The following ZDHHC14 variants were observed in gnomAD, a reference collection of about 807,000 sequenced individuals.
ZDHHC14 encodes zDHHC palmitoyltransferase 14, also known as palmitoyltransferase ZDHHC14.
ZDHHC14 carries 16 observed loss-of-function variants against 47.7 expected under a neutral mutation model. The observed-to-expected ratio is 0.34, with a 90% CI of 0.23 to 0.51. The LOEUF is 0.51. ZDHHC14 is among the 20% of genes least tolerant of loss of function. The probability of loss-of-function intolerance (pLI) is 0.97; values close to 1 mark genes in which losing one functional copy is unlikely to be tolerated. For missense variants in ZDHHC14, 515 were observed against 662.5 expected (o/e 0.78, Z 2.44); for synonymous variants, 293 against 278.9 (o/e 1.05, Z -0.50).
intron 1 of ZDHHC14, among the ~76,000 whole-genome samples, chr6:157,535,425 G>A (rs1781513302): frequency 6.6e-6 from 1 of 152,230 alleles, no homozygotes; most frequent in South Asian, 2.1e-4. Context: ...GACAAAGGTA[G>A]ACAGAGAGAC....
At chr6:157,397,584 G>A (rs141906643) in intron 1 of ZDHHC14, among the ~76,000 whole-genome samples, 27 of 152,276 alleles carry the variant, frequency 1.8e-4, no homozygotes, top group African/African-American at 6.3e-4. Context: ...GGGATTCCCT[G>A]GGCCCACCTG....
At chr6:157,672,478 T>G (rs7757543) in intron 8 of ZDHHC14, among the ~76,000 whole-genome samples, 1 of 152,260 alleles carries the variant, frequency 6.6e-6, no homozygotes, top group East Asian at 1.9e-4. Flanking sequence ...TGGCTGCATG[T>G]TATGACTGGG....
intron 1 of ZDHHC14, among the ~76,000 whole-genome samples, chr6:157,524,279 G>A (rs529085879): frequency 1.1e-4 from 17 of 152,186 alleles, no homozygotes; most frequent in African/African-American, 2.6e-4. Context: ...GACTACAAGC[G>A]TGTGCCACCA....
At chr6:157,561,132 G>A (rs1035451733) in intron 2 of ZDHHC14, among the ~76,000 whole-genome samples, 3 of 152,202 alleles carry the variant, frequency 2.0e-5, no homozygotes, top group Non-Finnish European at 2.9e-5. Flanking sequence ...ATTGGAAATC[G>A]CCTCAGAGAG....
chr6:157,414,040 G>A (rs908004785), intron 1 of ZDHHC14, among the ~76,000 whole-genome samples: 1 of 152,064 alleles, frequency 6.6e-6, no homozygotes, highest in East Asian at 1.9e-4. Context: ...GGGTTCAAGC[G>A]ATTCTCCTGC....
chr6:157,406,744 G>A (rs181885837), intron 1 of ZDHHC14, among the ~76,000 whole-genome samples: 24 of 152,338 alleles, frequency 1.6e-4, no homozygotes, highest in African/African-American at 5.5e-4. Context: ...AAATGGTGCC[G>A]TTACTTGTAA....
intron 1 of ZDHHC14, among the ~76,000 whole-genome samples, chr6:157,394,016 T>C (rs77389301): frequency 0.066 from 10,105 of 152,240 alleles, 370 homozygotes; most frequent in African/African-American, 0.1. Context: ...AGGTGTCCTC[T>C]GACTCCCAGA....
chr6:157,552,823 G>A (rs754595260), intron 2 of ZDHHC14, among the ~76,000 whole-genome samples: 1 of 152,176 alleles, frequency 6.6e-6, no homozygotes, highest in African/African-American at 2.4e-5. Context: ...ATACACATCT[G>A]CAAGTTTTTG....
chr6:157,449,834 T>C (rs1268594950), intron 1 of ZDHHC14, among the ~76,000 whole-genome samples: 1 of 152,190 alleles, frequency 6.6e-6, no homozygotes, highest in East Asian at 1.9e-4. Flanking sequence ...CTGCTTTGAA[T>C]TTTTTCCCCA....
chr6:157,475,124 A>G (rs1016772784), intron 1 of ZDHHC14, among the ~76,000 whole-genome samples: 1 of 152,142 alleles, frequency 6.6e-6, no homozygotes, highest in African/African-American at 2.4e-5. Flanking sequence ...TCCTAGCATA[A>G]TTTATTGAAG....
At chr6:157,648,424 G>A (rs1777663567) in intron 7 of ZDHHC14, among the ~76,000 whole-genome samples, 1 of 151,906 alleles carries the variant, frequency 6.6e-6, no homozygotes, top group Non-Finnish European at 1.5e-5. Context: ...TCATTAGAGA[G>A]GTAAAAAGAA....
chr6:157,582,619 C>G lies in ZDHHC14; in HGVS notation c.407-10369C>G, dbSNP rs1359676822. Among the ~76,000 whole-genome samples, 15 of 152,210 alleles carry G rather than the reference C, an allele frequency of 9.9e-5. No homozygotes were observed. The highest frequency in any genetic ancestry group is 9.8e-4 in the Admixed American group (15 of 15,286). On this transcript the variant is annotated intron_variant, in intron 2 of 8. Transcript: ENST00000359775. The surrounding 1 kb of genome is among the most constrained non-coding windows in gnomAD (Gnocchi z 4.3). ...TCTGCTGTTAGCCTGATAGGGCTCCCTTTGTAAGTGAACTGCCTCTTCTCT... is the reference window on the plus strand; with the variant it reads ...TCTGCTGTTAGCCTGATAGGGCTCCGTTTGTAAGTGAACTGCCTCTTCTCT...
At chr6:157,672,100 CT>C (rs1444903131) in intron 8 of ZDHHC14, among the ~76,000 whole-genome samples, 1 of 152,196 alleles carries the variant, frequency 6.6e-6, no homozygotes, top group African/African-American at 2.4e-5. Flanking sequence ...AGTTATTCGT[CT>C]TTTTGTGACT....
At chr6:157,449,425 T>C (rs1179678080) in intron 1 of ZDHHC14, among the ~76,000 whole-genome samples, 1 of 152,252 alleles carries the variant, frequency 6.6e-6, no homozygotes. Flanking sequence ...ATTCATCCAC[T>C]ATAAGTGAAC....
intron 1 of ZDHHC14, among the ~76,000 whole-genome samples, chr6:157,518,946 G>GAGCT (rs1780807575): frequency 6.6e-6 from 1 of 152,212 alleles, no homozygotes; most frequent in Non-Finnish European, 1.5e-5. Flanking sequence ...CAAGAAAAGG[G>GAGCT]AGCTGTTCAT....
chr6:157,394,920 T>G (rs990722489), intron 1 of ZDHHC14, among the ~76,000 whole-genome samples: 3 of 151,736 alleles, frequency 2.0e-5, no homozygotes, highest in Admixed American at 1.3e-4. Flanking sequence ...GATGGTAAAT[T>G]CAGAGTCAGC....
At chr6:157,651,865 C>T (rs542644979) in intron 7 of ZDHHC14, among the ~76,000 whole-genome samples, 1 of 152,276 alleles carries the variant, frequency 6.6e-6, no homozygotes, top group East Asian at 1.9e-4. Context: ...AGCCACTGCG[C>T]CCGGTCCCTC....
chr6:157,621,668 G>A (rs978137132), intron 3 of ZDHHC14, among the ~76,000 whole-genome samples: 3 of 152,138 alleles, frequency 2.0e-5, no homozygotes, highest in African/African-American at 7.2e-5. Flanking sequence ...CCACTCTTGA[G>A]GGCCTGTGTT....
intron 1 of ZDHHC14, among the ~76,000 whole-genome samples, chr6:157,516,253 T>C (rs1248047199): frequency 6.6e-6 from 1 of 152,242 alleles, no homozygotes; most frequent in Non-Finnish European, 1.5e-5. Context: ...CTAACGTTGA[T>C]ACTTGAGTTG....
Sources: allele counts gnomAD v4.1 joint callset (sites outside exome capture counted in the v4.1 genomes callset), GRCh38; gene constraint gnomAD v4.1.1; non-coding constraint Gnocchi (gnomAD v3.1); transcripts MANE v1.5; gene names NCBI Gene and HGNC (gene_info 2026-07-23, HGNC 2026-07-21).